LIPC: variants seen among roughly 807,000 people sequenced by gnomAD.
The protein encoded by LIPC is hepatic triacylglycerol lipase.
A neutral mutation model predicts 50.7 loss-of-function variants in LIPC; 44 were observed. That is an observed-to-expected ratio of 0.87 (90% CI 0.68 to 1.11). The LOEUF (loss-of-function observed/expected upper bound fraction) is 1.11, where lower values mean the gene tolerates loss of function less well. Ranked by LOEUF, LIPC falls within the 50% of genes most tolerant of loss-of-function variation. LIPC has a pLI of 0.00. For missense variants in LIPC, 697 were observed against 648.2 expected, an observed-to-expected ratio of 1.08 and a Z score of -0.82; for synonymous variants, 271 against 256.4, an observed-to-expected ratio of 1.06 and a Z score of -0.54.
At chr15:58,472,526 A>T (rs1890847690) in intron 1 of LIPC, among the ~76,000 whole-genome samples, 1 of 150,792 alleles carries the variant, frequency 6.6e-6, no homozygotes, top group South Asian at 2.1e-4. Flanking sequence ...CAGTGAGCCA[A>T]GATCCTGTCA....
At chr15:58,512,499 C>A (rs529333059) in intron 1 of LIPC, among the ~76,000 whole-genome samples, 3 of 152,284 alleles carry the variant, frequency 2.0e-5, no homozygotes, top group East Asian at 1.9e-4. Context: ...GGGGATGGGG[C>A]CTTTGAACCA....
At chr15:58,549,302 A>G (rs1893662625) in intron 6 of LIPC, among the ~76,000 whole-genome samples, 1 of 152,224 alleles carries the variant, frequency 6.6e-6, no homozygotes, top group Non-Finnish European at 1.5e-5. Flanking sequence ...GTGCTTTAGC[A>G]TCTCACTGTT....
chr15:58,463,885 A>G (rs1277713381), intron 1 of LIPC, among the ~76,000 whole-genome samples: 1 of 152,230 alleles, frequency 6.6e-6, no homozygotes, highest in Non-Finnish European at 1.5e-5. Flanking sequence ...AAATAAAATC[A>G]TTTAAAATGT....
At chr15:58,565,623 TG>T in intron 8 of LIPC, 1 of 1,060,578 alleles carries the variant, frequency 9.4e-7, no homozygotes, top group Non-Finnish European at 1.1e-6. Context: ...TGCTCAAAAT[TG>T]TCCCAGTCCA....
chr15:58,433,266 C>T (rs1188565694), intron 1 of LIPC, among the ~76,000 whole-genome samples: 3 of 152,136 alleles, frequency 2.0e-5, no homozygotes, highest in Non-Finnish European at 2.9e-5. Context: ...CCCTTTGCCC[C>T]GGAATGTTGT....
At position 58,545,519 on chromosome 15, in the gene LIPC, C is replaced by T. The variant is rs55733523; in HGVS notation, c.575-223C>T. Among the ~76,000 whole-genome samples, 15,311 of 152,300 alleles carry T rather than the reference C, an allele frequency of 0.1. 1,046 individuals carry two copies. Among genetic ancestry groups the T allele is most frequent in the Middle Eastern group, 0.15 (44 of 294 alleles). On this transcript the variant is annotated intron_variant, in intron 4 of 8. Coordinates refer to ENST00000299022, the MANE Select transcript of LIPC (RefSeq NM_000236.3). ...CTGGAGAGTTTCCGCAAACCTCTTTCCCCGCTAGCTAATGCCCAGCCTGTG... is the reference window on the plus strand; with the variant it reads ...CTGGAGAGTTTCCGCAAACCTCTTTTCCCGCTAGCTAATGCCCAGCCTGTG...
At chr15:58,453,866 CAA>C (rs398043355) in intron 1 of LIPC, among the ~76,000 whole-genome samples, 5 of 120,920 alleles carry the variant, frequency 4.1e-5, no homozygotes, top group African/African-American at 3.2e-5. Context: ...GACCCTGTCT[CAA>C]AAAAAAAAAA....
At chr15:58,447,220 G>A (rs1254427511) in intron 1 of LIPC, among the ~76,000 whole-genome samples, 10 of 151,016 alleles carry the variant, frequency 6.6e-5, no homozygotes, top group East Asian at 1.9e-4. Flanking sequence ...TACCCCTGCC[G>A]GAGCTCATGG....
chr15:58,450,969 A>G (rs1179572443), intron 1 of LIPC, among the ~76,000 whole-genome samples: 1 of 152,162 alleles, frequency 6.6e-6, no homozygotes, highest in Non-Finnish European at 1.5e-5. Context: ...GGGACTTCAC[A>G]TTATAAGCCA....
At chr15:58,520,472 T>G (rs1234222530) in intron 1 of LIPC, among the ~76,000 whole-genome samples, 1 of 152,118 alleles carries the variant, frequency 6.6e-6, no homozygotes, top group Non-Finnish European at 1.5e-5. Context: ...CTTGCCTCCA[T>G]GAAAGCAGGG....
At chr15:58,467,274 C>A (rs1252493516) in intron 1 of LIPC, among the ~76,000 whole-genome samples, 1 of 152,164 alleles carries the variant, frequency 6.6e-6, no homozygotes, top group South Asian at 2.1e-4. Context: ...TTGTTCACAG[C>A]GGCCAAAACG....
In LIPC at chr15:58,553,707, G is replaced by A. The variant is rs181983817; in HGVS notation, c.1051+5135G>A. On this transcript the variant is annotated intron_variant, in intron 6 of 8. Coordinates refer to ENST00000299022, the MANE Select transcript of LIPC (RefSeq NM_000236.3). Reference sequence around the variant, plus strand: ...ACCAAAATGTGGCCACGAAAATACCGACACATACAGGTGTTACATACAAAG... The same window carrying A: ...ACCAAAATGTGGCCACGAAAATACCAACACATACAGGTGTTACATACAAAG... 3.9e-5 allele frequency among the ~76,000 whole-genome samples: 6 copies of A among 152,272 alleles called. No individual in the cohort carries two copies. In the East Asian group the frequency reaches 9.6e-4, roughly 24 times the overall value.
rs547384437 is a variant in LIPC at position 58,541,932 on chromosome 15, G to A, written c.421G>A (p.Gly141Ser). Residue 141 changes from glycine to serine, a missense_variant, in exon 3 of 9, where the codon GGC (glycine) becomes AGC (serine). Physicochemically the swap from Gly to Ser is moderately conservative, Grantham distance 56. Coordinates refer to ENST00000299022, the MANE Select transcript of LIPC (RefSeq NM_000236.3). ...CGCCGTCCGCAACACCCGCCTTGTG[G>A]GCAAGGAGGTCGCGGCTCTTCTCCG... Reference protein sequence around the residue: ...TIAVRNTRLVGKEVAALLRWL... With the variant: ...TIAVRNTRLVSKEVAALLRWL... 11 of 1,611,658 alleles carry A rather than the reference G, an allele frequency of 6.8e-6. No homozygotes were observed. The East Asian group carries it at 2.5e-4, about 36-fold the overall frequency.
rs1258914259 is a variant in LIPC, at chr15:58,569,491, C to G, written c.*664C>G. 2 of 152,148 alleles carry G rather than the reference C, an allele frequency of 1.3e-5. No individual in the cohort carries two copies. Among genetic ancestry groups the G allele is most frequent in the East Asian group, 3.8e-4 (2 of 5,198 alleles). The allele number at this position is 152,148 out of a possible 1,614,324, so 9.4% of individuals were successfully genotyped here. On this transcript the variant is annotated 3_prime_UTR_variant, in exon 9 of 9. Transcript: ENST00000299022. ...TATTATATCTTACTAATGCTTGCAA[C>G]AAAAGCTAATTTTAAAAACTTGGAA...
At chr15:58,506,381 C>T (rs1050894829) in intron 1 of LIPC, among the ~76,000 whole-genome samples, 7 of 152,234 alleles carry the variant, frequency 4.6e-5, no homozygotes, top group African/African-American at 1.7e-4. Flanking sequence ...TCTCCTGCCA[C>T]GACTGAAAGG....
chr15:58,538,748 AG>A (rs1245308454), intron 2 of LIPC, among the ~76,000 whole-genome samples: 1 of 152,192 alleles, frequency 6.6e-6, no homozygotes, highest in African/African-American at 2.4e-5. Context: ...TGTTTCAGAT[AG>A]AATGTGGCTC....
In LIPC at chr15:58,542,532, A is replaced by G. The variant is rs753055565; in HGVS notation, c.457-2A>G. The G allele has an allele frequency of 5.6e-6, 9 of 1,598,882 alleles. No homozygotes were observed. The highest frequency in any genetic ancestry group is 7.7e-6 in the Non-Finnish European group (9 of 1,166,270). On this transcript the variant is annotated splice_acceptor_variant, in intron 3 of 8. Transcript: ENST00000299022. LOFTEE classifies it high-confidence loss of function. The stretch of plus-strand genomic sequence containing the variant: ...TGCCCCCATCCCGCTGCTGTCTTCC[A>G]GGAATCTGTGCAACTCTCTCGAAGC...
intron 1 of LIPC, among the ~76,000 whole-genome samples, chr15:58,503,475 A>T (rs1892052784): frequency 6.6e-6 from 1 of 152,020 alleles, no homozygotes; most frequent in Admixed American, 6.6e-5. Flanking sequence ...CATTGGCAGG[A>T]CTCTGGGAGA....
intron 1 of LIPC, among the ~76,000 whole-genome samples, chr15:58,483,334 G>A (rs74976849): frequency 0.014 from 2,162 of 152,238 alleles, 42 homozygotes; most frequent in African/African-American, 0.048. Context: ...GTGGCAGGTG[G>A]GGAGAGCTAT....
Sources: gnomAD v4.1 joint callset for allele counts (sites outside exome capture counted in the v4.1 genomes callset) on GRCh38, gnomAD v4.1.1 for gene constraint, MANE v1.5 for transcripts, NCBI Gene and HGNC (gene_info 2026-07-23, HGNC 2026-07-21) for gene names.